Variants in COL17A1 observed in about 807,000 individuals in gnomAD.
COL17A1 encodes the protein collagen type XVII alpha 1 chain, also known as collagen alpha-1(XVII) chain.
Under a neutral mutation model 218.4 loss-of-function variants are expected in COL17A1, and 181 were observed. That is an observed-to-expected ratio of 0.83 (90% CI 0.73 to 0.94). The LOEUF is 0.94. COL17A1 is among the 40% of genes least tolerant of loss of function. COL17A1 has a pLI of 0.00. For synonymous variants in COL17A1, 721 were observed against 731.0 expected, an observed-to-expected ratio of 0.99 and a Z score of 0.22; for missense variants, 1,924 against 1,945.9, an observed-to-expected ratio of 0.99 and a Z score of 0.21.
chr10:104,073,169 C>A, intron 7 of COL17A1, 41 bp downstream of exon 7: 1 of 1,591,570 alleles, frequency 6.3e-7, no homozygotes, highest in East Asian at 2.2e-5. Context: ...TCAGAAAATA[C>A]TTGTTGAATG....
In COL17A1 at chr10:104,054,264, C is replaced by T. The variant is rs953507746; in HGVS notation, c.1745-146G>A. ...CAGTTACATTTGAATTGCAGATAAA[C>T]AACACATAGTTTTAGTTATAAGTAT... On this transcript the variant is annotated intron_variant, in intron 20 of 55. Coordinates refer to ENST00000648076, the MANE Select transcript of COL17A1 (RefSeq NM_000494.4). 2.9e-5 allele frequency: 23 copies of T among 780,124 alleles called. 1 individual carries two copies. Among genetic ancestry groups the T allele is most frequent in the South Asian group, 2.8e-4 (19 of 68,016 alleles). 48.3% of individuals were successfully genotyped at this position (780,124 alleles called of 1,614,324 possible). A position where few individuals can be genotyped will look rare whatever the true frequency, so the allele number is the denominator to read the frequency against.
intron 29 of COL17A1, 151 bp downstream of exon 29, chr10:104,049,258 C>T: frequency 1.3e-6 from 1 of 749,522 alleles, no homozygotes; most frequent in Non-Finnish European, 2.4e-6. Context: ...GAAAGGATGC[C>T]CAGACACAGA....
chr10:104,037,153 A>AAC, intron 46 of COL17A1, 40 bp from the exon 47 acceptor site: 2 of 1,550,060 alleles, frequency 1.3e-6, no homozygotes, highest in Non-Finnish European at 1.8e-6. Flanking sequence ...CTTAGCAGGT[A>AAC]CTGAAGCAAC....
At chr10:104,050,748 T>A in intron 26 of COL17A1, 92 bp from the exon 27 acceptor site, 3 of 1,614,010 alleles carry the variant, frequency 1.9e-6, no homozygotes, top group Non-Finnish European at 1.7e-6. Context: ...GCTCCCTCAA[T>A]CCTGACTTCT....
intron 34 of COL17A1, 48 bp downstream of exon 34, chr10:104,043,777 C>A: frequency 1.2e-6 from 2 of 1,607,866 alleles, no homozygotes; most frequent in Non-Finnish European, 1.7e-6. Context: ...GGTAGGTGCC[C>A]AGTATAAGAA....
At position 104,059,723 on chromosome 10, in the gene COL17A1, G is replaced by A. The variant is rs2086564786; in HGVS notation, c.1142-5C>T. 6.2e-7 allele frequency: 1 copy of A among 1,613,894 alleles called. No homozygotes were observed. The highest frequency in any genetic ancestry group is 1.1e-5 in the South Asian group (1 of 91,082). The stretch of plus-strand genomic sequence containing the variant: ...GGGTGTCTTCTGAAAAAGAAGCTAT[G>A]TACAGAACCCATTATAACCTGGCAT... On this transcript the variant is annotated splice_region_variant and splice_polypyrimidine_tract_variant and intron_variant, in intron 14 of 55. Transcript: ENST00000648076.
rs756738076 is a variant in COL17A1 at position 104,064,523 on chromosome 10, C to A, written c.681G>T (p.Ala227=). The change falls in exon 10 of 56, where the codon GCG becomes GCT. Residue 227 remains alanine (A), a synonymous_variant. Coordinates refer to ENST00000648076, the MANE Select transcript of COL17A1 (RefSeq NM_000494.4). ...TGTGATAGGTCCCCATGGAGGACCCCGCGGGCAGGGTGGAGGACCACACAT... is the reference window on the plus strand; with the variant it reads ...TGTGATAGGTCCCCATGGAGGACCCAGCGGGCAGGGTGGAGGACCACACAT... ...PSHVWSSTLP[A]GSSMGTYHNN... The A allele has an allele frequency of 1.3e-5, 21 of 1,614,060 alleles. No individual in the cohort carries two copies. The highest frequency in any genetic ancestry group is 1.7e-5 in the Non-Finnish European group (20 of 1,179,992).
intron 47 of COL17A1, 55 bp downstream of exon 47, chr10:104,036,990 A>C: frequency 4.0e-6 from 6 of 1,490,580 alleles, no homozygotes; most frequent in South Asian, 1.2e-5. Flanking sequence ...ATGACGAGTG[A>C]GGCCAGGAGA....
intron 9 of COL17A1, among the ~76,000 whole-genome samples, chr10:104,066,207 A>C (rs805709): frequency 0.61 from 92,128 of 152,064 alleles, 29,926 homozygotes; most frequent in East Asian, 0.72. Context: ...TGTGGGCTGC[A>C]ACAAAATGCA....
chr10:104,040,916 C>G, intron 39 of COL17A1, 149 bp downstream of exon 39: 1 of 923,856 alleles, frequency 1.1e-6, no homozygotes, highest in Non-Finnish European at 1.7e-6. Flanking sequence ...CCATGTGCAG[C>G]AAGCAGGAAG....
chr10:104,072,971 A>G (rs1462071666), intron 7 of COL17A1, among the ~76,000 whole-genome samples: 1 of 152,182 alleles, frequency 6.6e-6, no homozygotes, highest in Non-Finnish European at 1.5e-5. Flanking sequence ...CCACATTGTT[A>G]TCATGTGTTT....
intron 3 of COL17A1, 60 bp from the exon 4 acceptor site, chr10:104,077,586 G>T: frequency 3.6e-6 from 5 of 1,404,046 alleles, no homozygotes; most frequent in South Asian, 2.4e-5. Flanking sequence ...GGATCCCCTG[G>T]TCCCCCACCC....
chr10:104,083,976 AT>A (rs1844829045), intron 1 of COL17A1, among the ~76,000 whole-genome samples: 1 of 152,242 alleles, frequency 6.6e-6, no homozygotes, highest in Admixed American at 6.5e-5. Flanking sequence ...TCCACTGGCT[AT>A]TGACCTGATA....
intron 28 of COL17A1, 95 bp from the exon 29 acceptor site, chr10:104,049,566 C>A (rs970190081): frequency 7.3e-7 from 1 of 1,368,186 alleles, no homozygotes; most frequent in Non-Finnish European, 1.0e-6. Context: ...GTCAAGGAAG[C>A]AGCTTCTGCT....
At position 104,037,637 on chromosome 10, in the gene COL17A1, C is replaced by T; in HGVS notation, c.3207G>A (p.Arg1069=). Residue 1069 remains arginine (R), a splice_region_variant and synonymous_variant, in exon 46 of 56, where the codon CGG becomes CGA. Coordinates refer to ENST00000648076, the MANE Select transcript of COL17A1 (RefSeq NM_000494.4). ...ELASHVVSYL[R]TSGYGVSLFS... is the part of the protein sequence containing the mutation. The stretch of plus-strand genomic sequence containing the variant: ...TGCAGGGCGTGGGGAAGGGCTTACT[C>T]CGTAAGTAGCTCACAACGTGGCTTG... The T allele has an allele frequency of 6.2e-7, 1 of 1,614,156 alleles. No individual in the cohort carries two copies. Among genetic ancestry groups the T allele is most frequent in the Non-Finnish European group, 8.5e-7 (1 of 1,180,018 alleles).
intron 1 of COL17A1, among the ~76,000 whole-genome samples, chr10:104,082,699 T>C (rs1469578417): frequency 6.6e-6 from 1 of 152,226 alleles, no homozygotes; most frequent in African/African-American, 2.4e-5. Context: ...TTTAGGCAGA[T>C]GGATCATGAC....
At chr10:104,060,345 G>C in intron 13 of COL17A1, 65 bp from the exon 14 acceptor site, 4 of 1,600,370 alleles carry the variant, frequency 2.5e-6, no homozygotes, top group Non-Finnish European at 3.4e-6. Flanking sequence ...GGGGAGAAAA[G>C]ACAAGAAGAG....
In COL17A1 at chr10:104,072,079, T is replaced by G. The variant is rs1050398940; in HGVS notation, c.416A>C (p.Glu139Ala). ...CTGCAGTCGAACTCGAATTTCACTC[T>G]CTGTACAAGGGAAGAGATAGAGAAG... ...SSTRGRSQTR[E>A]SEIRVRLQSA... The change falls in exon 8 of 56, where the codon GAG becomes GCG. Residue 139 changes from glutamate to alanine, a missense_variant and splice_region_variant. Glu to Ala is a moderately radical substitution (Grantham distance 107, BLOSUM62 -1). Coordinates refer to ENST00000648076, the MANE Select transcript of COL17A1 (RefSeq NM_000494.4). 1.9e-6 allele frequency: 3 copies of G among 1,614,092 alleles called. 1 individual carries two copies. Among genetic ancestry groups the G allele is most frequent in the Admixed American group, 3.3e-5 (2 of 60,018 alleles).
intron 1 of COL17A1, among the ~76,000 whole-genome samples, chr10:104,084,719 C>T (rs950366914): frequency 6.6e-6 from 1 of 152,126 alleles, no homozygotes; most frequent in African/African-American, 2.4e-5. Flanking sequence ...AGCAGGACAC[C>T]TCTGAATCTC....
Sources: allele counts gnomAD v4.1 joint callset (sites outside exome capture counted in the v4.1 genomes callset), GRCh38; gene constraint gnomAD v4.1.1; transcripts MANE v1.5; gene names NCBI Gene and HGNC (gene_info 2026-07-23, HGNC 2026-07-21).